LPCAT1: variants seen among roughly 807,000 people sequenced by gnomAD.
LPCAT1 encodes lysophosphatidylcholine acyltransferase 1.
A neutral mutation model predicts 60.9 loss-of-function variants in LPCAT1; 23 were observed. The observed-to-expected ratio is 0.38, with a 90% CI of 0.27 to 0.53. The LOEUF (loss-of-function observed/expected upper bound fraction) is 0.53. Ranked by LOEUF, LPCAT1 falls within the 20% of genes least tolerant of loss-of-function variation. The probability of loss-of-function intolerance (pLI) is 0.82; values close to 1 mark genes in which losing one functional copy is unlikely to be tolerated. For synonymous variants in LPCAT1, 340 were observed against 301.1 expected, an observed-to-expected ratio of 1.13 and a Z score of -1.34; for missense variants, 622 against 723.6, an observed-to-expected ratio of 0.86 and a Z score of 1.61.
chr5:1,467,058 A>G, intron 12 of LPCAT1, 168 bp from the exon 13 acceptor site: 1 of 605,444 alleles, frequency 1.7e-6, no homozygotes, highest in Non-Finnish European at 2.4e-6. Flanking sequence ...GCCATGCAGC[A>G]GGGCCCTGTG....
Position 1,523,618 on chromosome 5 carries a change from CCCTCCCCGGCCCCTCCTCGGCCGCG to C in LPCAT1, c.135+67_135+91del. 1.1e-6 allele frequency: 1 copy of C among 902,892 alleles called. No individual in the cohort carries two copies. The highest frequency in any genetic ancestry group is 9.7e-5 in the East Asian group (1 of 10,272). 55.9% of individuals were successfully genotyped at this position (902,892 alleles called of 1,614,324 possible). On this transcript the variant is annotated intron_variant, in intron 1 of 13. Coordinates refer to ENST00000283415, the MANE Select transcript of LPCAT1 (RefSeq NM_024830.5). This position sits in a 1 kb window ranked among gnomAD's most constrained non-coding sequence, Gnocchi z 7.1. ...GCAGGGCCGCGCCGCGCCCCAGGCC[CCCTCCCCGGCCCCTCCTCGGCCGCG>C]CCTCCCTGGCCCCAGCATCCCTGGC...
intron 3 of LPCAT1, among the ~76,000 whole-genome samples, chr5:1,493,797 T>C (rs979909404): frequency 3.9e-5 from 6 of 152,238 alleles, no homozygotes; most frequent in African/African-American, 1.4e-4. Flanking sequence ...TGGGTCCACA[T>C]GCTGACCCTG....
At position 1,523,433 on chromosome 5, in the gene LPCAT1, C is replaced by T. The variant is rs1449766257; in HGVS notation, c.135+277G>A. 6.6e-6 allele frequency among the ~76,000 whole-genome samples: 1 copy of T among 151,412 alleles called. No homozygotes were observed. Among genetic ancestry groups the T allele is most frequent in the Non-Finnish European group, 1.5e-5 (1 of 67,766 alleles). On this transcript the variant is annotated intron_variant, in intron 1 of 13. Transcript: ENST00000283415. The surrounding 1 kb of genome is among the most constrained non-coding windows in gnomAD (Gnocchi z 7.1). ...CAGGGGTCTGGGGGGAGGAGCAGAA[C>T]GCGGGGCGGGGATGGGAAGCGGGGA...
rs1736063660 is a variant in LPCAT1 at position 1,502,718 on chromosome 5, G to A, written c.136-1115C>T. ...TAGTGCAGAGACAGAAAAGACCCAG[G>A]AGACACAGATCGCAGTTGGCTCCCC... is the stretch of plus-strand genomic sequence containing the variant. On this transcript the variant is annotated intron_variant, in intron 1 of 13. Coordinates refer to ENST00000283415, the MANE Select transcript of LPCAT1 (RefSeq NM_024830.5). The surrounding 1 kb of genome is among the most constrained non-coding windows in gnomAD (Gnocchi z 5.5). Among the ~76,000 whole-genome samples the A allele has an allele frequency of 6.6e-6, 1 of 152,098 alleles. No homozygotes were observed. The highest frequency in any genetic ancestry group is 6.6e-5 in the Admixed American group (1 of 15,264).
At position 1,466,797 on chromosome 5, in the gene LPCAT1, C is replaced by T; in HGVS notation, c.1372G>A (p.Asp458Asn). Reference sequence around the variant, plus strand: ...TCTTGGTCAATGGCTCGGAATAGGTCGGTCACGGTGAGCTCTGCCACCCCC... The same window carrying T: ...TCTTGGTCAATGGCTCGGAATAGGTTGGTCACGGTGAGCTCTGCCACCCCC... ...ALGVAELTVTDLFRAIDQEEK... is the reference protein window; with the variant it reads ...ALGVAELTVTNLFRAIDQEEK... The change falls in exon 13 of 14, where the codon GAC becomes AAC. Residue 458 changes from aspartate to asparagine, a missense_variant. Around this residue, in one of 3 missense-constraint regions of LPCAT1, gnomAD observed 288 missense variants for 283.6 expected, o/e 1.02. Coordinates refer to ENST00000283415, the MANE Select transcript of LPCAT1 (RefSeq NM_024830.5). 6.2e-7 allele frequency: 1 copy of T among 1,613,144 alleles called. No individual in the cohort carries two copies. Among genetic ancestry groups the T allele is most frequent in the Non-Finnish European group, 8.5e-7 (1 of 1,179,428 alleles).
chr5:1,516,929 T>G (rs1736522410), intron 1 of LPCAT1, among the ~76,000 whole-genome samples: 1 of 152,230 alleles, frequency 6.6e-6, no homozygotes, highest in African/African-American at 2.4e-5. Context: ...CCTAAGCTCA[T>G]GCTGCTGGCA....
chr5:1,469,426 C>G (rs1309231846), intron 12 of LPCAT1, among the ~76,000 whole-genome samples: 1 of 152,216 alleles, frequency 6.6e-6, no homozygotes, highest in Non-Finnish European at 1.5e-5. Flanking sequence ...ACTGCCACCC[C>G]CACCGCTGCT....
At chr5:1,490,005 CCTGA>C in intron 3 of LPCAT1, 147 bp from the exon 4 acceptor site, 1 of 671,490 alleles carries the variant, frequency 1.5e-6, no homozygotes, top group Non-Finnish European at 2.7e-6. Flanking sequence ...GCTGTGAGTC[CCTGA>C]CTGAGGGAAC....
At chr5:1,504,632 T>C (rs1481048400) in intron 1 of LPCAT1, among the ~76,000 whole-genome samples, 1 of 148,606 alleles carries the variant, frequency 6.7e-6, no homozygotes, top group Non-Finnish European at 1.5e-5. Context: ...GAGAATCACT[T>C]GGACCCGGGA....
chr5:1,516,332 C>T (rs553773102), intron 1 of LPCAT1, among the ~76,000 whole-genome samples: 3 of 152,210 alleles, frequency 2.0e-5, no homozygotes, highest in Admixed American at 6.5e-5. Context: ...TGATGATTCA[C>T]ATGGCACACA....
At chr5:1,512,962 C>T (rs959080501) in intron 1 of LPCAT1, among the ~76,000 whole-genome samples, 6 of 152,326 alleles carry the variant, frequency 3.9e-5, no homozygotes, top group Middle Eastern at 6.8e-3. Flanking sequence ...AGATGGCACG[C>T]GCCGGCATCC....
chr5:1,475,752 C>T (rs1309026952), intron 9 of LPCAT1, among the ~76,000 whole-genome samples: 1 of 151,908 alleles, frequency 6.6e-6, no homozygotes, highest in Admixed American at 6.6e-5. Flanking sequence ...GGCTGCACGG[C>T]CCCGCCCAGG....
At chr5:1,508,561 G>GC (rs1266763650) in intron 1 of LPCAT1, among the ~76,000 whole-genome samples, 3 of 152,108 alleles carry the variant, frequency 2.0e-5, no homozygotes, top group Admixed American at 6.5e-5. Flanking sequence ...AACCAGCCCT[G>GC]CTGCGCCTCG....
At position 1,501,580 on chromosome 5, in the gene LPCAT1, G is replaced by A. The variant is rs17588991; in HGVS notation, c.159C>T (p.Leu53=). ...CGGCAACCAGGAGCCGGACCGGGAA[G>A]AGCGTCAGTGTCATGAGGGCCACCT... The part of the protein sequence containing the change: ...KAQVALMTLT[L]FPVRLLVAAA... Residue 53 remains leucine (L), a synonymous_variant, in exon 2 of 14, where the codon CTC becomes CTT. Coordinates refer to ENST00000283415, the MANE Select transcript of LPCAT1 (RefSeq NM_024830.5). 0.048 allele frequency: 76,760 copies of A among 1,613,884 alleles called. 1,964 individuals are homozygous for A. Among genetic ancestry groups the A allele is most frequent in the Middle Eastern group, 0.08 (487 of 6,056 alleles).
At chr5:1,501,647 A>G (rs1736013223) in intron 1 of LPCAT1, 44 bp from the exon 2 acceptor site, 2 of 1,602,404 alleles carry the variant, frequency 1.2e-6, no homozygotes, top group African/African-American at 2.7e-5. Flanking sequence ...CATGTAGGAC[A>G]CCAGGCAGCT....
At chr5:1,491,503 G>A (rs780288011) in intron 3 of LPCAT1, among the ~76,000 whole-genome samples, 3 of 150,568 alleles carry the variant, frequency 2.0e-5, no homozygotes, top group Non-Finnish European at 3.0e-5. Context: ...AATGTGGGGG[G>A]TGCAGGGGGA....
In LPCAT1 at chr5:1,510,789, G is replaced by A. The variant is rs78541299; in HGVS notation, c.136-9186C>T. 673 of 152,612 alleles carry A rather than the reference G, an allele frequency of 4.4e-3. 6 individuals are homozygous for A. Among genetic ancestry groups the A allele is most frequent in the Middle Eastern group, 0.02 (6 of 294 alleles). The allele number at this position is 152,612 out of a possible 1,614,324, so 9.5% of individuals were successfully genotyped here. On this transcript the variant is annotated intron_variant, in intron 1 of 13. Transcript: ENST00000283415. ...TGACACCAATGCCGCCTGGGCCGTG[G>A]TGCTGCATCTGTGGGACACTGGAAC...
chr5:1,501,384 C>T, intron 2 of LPCAT1, 77 bp downstream of exon 2: 1 of 1,512,458 alleles, frequency 6.6e-7, no homozygotes, highest in South Asian at 1.2e-5. Flanking sequence ...CACACAACCC[C>T]ACTGTGAGAA....
chr5:1,505,383 C>A (rs1237762980), intron 1 of LPCAT1, among the ~76,000 whole-genome samples: 1 of 151,690 alleles, frequency 6.6e-6, no homozygotes, highest in Non-Finnish European at 1.5e-5. Context: ...GCTTCCACCA[C>A]AGAGTGCGGA....
Sources: gnomAD v4.1 joint callset for allele counts (sites outside exome capture counted in the v4.1 genomes callset) on GRCh38, gnomAD v4.1.1 for gene constraint, gnomAD v4.1.1 regional missense constraint, Gnocchi (gnomAD v3.1) non-coding constraint, MANE v1.5 for transcripts, NCBI Gene and HGNC (gene_info 2026-07-23, HGNC 2026-07-21) for gene names.